ACBD6: variants seen among roughly 807,000 people sequenced by gnomAD.
ACBD6 encodes acyl-CoA-binding domain-containing protein 6.
Under a neutral mutation model 37.2 loss-of-function variants are expected in ACBD6, and 28 were observed. That is an observed-to-expected ratio of 0.75 (90% CI 0.56 to 1.03). The LOEUF is 1.03. Ranked by LOEUF, ACBD6 falls within the 50% of genes least tolerant of loss-of-function variation. The probability of loss-of-function intolerance (pLI) is 0.00; values close to 1 mark genes in which losing one functional copy is unlikely to be tolerated. For missense variants in ACBD6, 340 were observed against 337.4 expected, an observed-to-expected ratio of 1.01 and a Z score of -0.06; for synonymous variants, 113 against 126.8, an observed-to-expected ratio of 0.89 and a Z score of 0.73.
At chr1:180,370,050 A>G (rs1306625584) in intron 6 of ACBD6, among the ~76,000 whole-genome samples, 1 of 152,192 alleles carries the variant, frequency 6.6e-6, no homozygotes, top group African/African-American at 2.4e-5. Context: ...AGCTTATATC[A>G]AACACATTAA....
intron 6 of ACBD6, among the ~76,000 whole-genome samples, chr1:180,358,203 C>T (rs556991517): frequency 2.6e-5 from 4 of 152,158 alleles, no homozygotes; most frequent in Admixed American, 6.5e-5. Flanking sequence ...CCGAGGTGGG[C>T]GGATCATGAG....
rs141005423 is a variant in ACBD6, at chr1:180,369,083, G to A, written c.663+28433C>T. 7.6e-4 allele frequency among the ~76,000 whole-genome samples: 115 copies of A among 152,316 alleles called. No homozygotes were observed. The East Asian group carries it at 0.02, about 27-fold the overall frequency. The stretch of plus-strand genomic sequence containing the variant: ...GTTCAAGGAAGAATGTTCAAAGGAA[G>A]AAAACCTTTAGGCATCTCTGTAGGA... On this transcript the variant is annotated intron_variant, in intron 6 of 7. Transcript: ENST00000367595.
intron 3 of ACBD6, among the ~76,000 whole-genome samples, chr1:180,489,882 C>A (rs1651423931): frequency 6.6e-6 from 1 of 152,152 alleles, no homozygotes; most frequent in Non-Finnish European, 1.5e-5. Context: ...TGGACTCGAA[C>A]TCCTGACCTC....
At chr1:180,384,256 T>C (rs1474660880) in intron 6 of ACBD6, among the ~76,000 whole-genome samples, 1 of 152,040 alleles carries the variant, frequency 6.6e-6, no homozygotes, top group Non-Finnish European at 1.5e-5. Context: ...GCAAATTATC[T>C]GACAAGGGAC....
chr1:180,354,644 G>A (rs899733376), intron 6 of ACBD6, among the ~76,000 whole-genome samples: 1 of 152,142 alleles, frequency 6.6e-6, no homozygotes, highest in Non-Finnish European at 1.5e-5. Flanking sequence ...TGCATTCAAA[G>A]ATAAAACTAT....
At chr1:180,404,776 T>A (rs1374852544) in intron 5 of ACBD6, among the ~76,000 whole-genome samples, 1 of 152,184 alleles carries the variant, frequency 6.6e-6, no homozygotes, top group African/African-American at 2.4e-5. Context: ...GCATATTTAA[T>A]GACAGAGAAC....
intron 4 of ACBD6, among the ~76,000 whole-genome samples, chr1:180,429,393 C>T (rs1208626388): frequency 2.0e-5 from 3 of 152,148 alleles, no homozygotes; most frequent in African/African-American, 4.8e-5. Context: ...TTTCACTTAG[C>T]GTAATATCCT....
At chr1:180,355,855 T>A (rs60764610) in intron 6 of ACBD6, among the ~76,000 whole-genome samples, 1,663 of 148,768 alleles carry the variant, frequency 0.011, 36 homozygotes, top group African/African-American at 0.037. Context: ...TTGAACAGAA[T>A]CTGTCATATT....
chr1:180,496,282 C>G (rs760548206), intron 1 of ACBD6, among the ~76,000 whole-genome samples: 1 of 152,160 alleles, frequency 6.6e-6, no homozygotes, highest in Non-Finnish European at 1.5e-5. Context: ...ATCTTCCTTC[C>G]TTATGAACTC....
At chr1:180,441,477 C>T (rs528567195) in intron 3 of ACBD6, among the ~76,000 whole-genome samples, 12 of 152,310 alleles carry the variant, frequency 7.9e-5, no homozygotes, top group African/African-American at 2.9e-4. Flanking sequence ...ACAGCGCTGC[C>T]ATCTAAATAA....
At chr1:180,424,000 T>G (rs912852081) in intron 4 of ACBD6, among the ~76,000 whole-genome samples, 1 of 152,148 alleles carries the variant, frequency 6.6e-6, no homozygotes, top group African/African-American at 2.4e-5. Context: ...GGAAAGTACA[T>G]TTTTTTAAAA....
intron 7 of ACBD6, among the ~76,000 whole-genome samples, chr1:180,291,316 A>T (rs998799304): frequency 6.6e-6 from 1 of 152,232 alleles, no homozygotes; most frequent in Non-Finnish European, 1.5e-5. Flanking sequence ...AAACTTTTCT[A>T]AAGTTTTCAC....
intron 3 of ACBD6, among the ~76,000 whole-genome samples, chr1:180,467,782 T>C (rs1173065507): frequency 6.6e-6 from 1 of 152,050 alleles, no homozygotes. Flanking sequence ...AGTATTTCAC[T>C]GTATGATATA....
chr1:180,343,373 T>C (rs1409253287), intron 6 of ACBD6, among the ~76,000 whole-genome samples: 1 of 152,146 alleles, frequency 6.6e-6, no homozygotes, highest in Admixed American at 6.5e-5. Context: ...AGACTCAGAT[T>C]CTCAAACAAG....
intron 6 of ACBD6, among the ~76,000 whole-genome samples, chr1:180,336,220 C>T (rs1018595546): frequency 8.9e-4 from 133 of 149,076 alleles, no homozygotes; most frequent in Non-Finnish European, 1.6e-3. Flanking sequence ...TTCCTCTCAG[C>T]ATCCCACTGC....
chr1:180,500,422 G>T (rs1443217442), intron 1 of ACBD6, among the ~76,000 whole-genome samples: 1 of 152,104 alleles, frequency 6.6e-6, no homozygotes, highest in Admixed American at 6.6e-5. Flanking sequence ...GCGGGGCGTG[G>T]TGGCTCACAC....
At chr1:180,343,603 A>C (rs1408718146) in intron 6 of ACBD6, among the ~76,000 whole-genome samples, 3 of 152,110 alleles carry the variant, frequency 2.0e-5, no homozygotes, top group Non-Finnish European at 2.9e-5. Flanking sequence ...CTTACTTAAA[A>C]CTGTCTCCCA....
At chr1:180,445,714 CAGG>C (rs1313219540) in intron 3 of ACBD6, among the ~76,000 whole-genome samples, 1 of 151,568 alleles carries the variant, frequency 6.6e-6, no homozygotes, top group Non-Finnish European at 1.5e-5. Flanking sequence ...CACTTGAGCT[CAGG>C]AGTTCAAAAC....
At chr1:180,284,427 G>T (rs1440800220), downstream of ACBD6, among the ~76,000 whole-genome samples, 1 of 151,402 alleles carries the variant, frequency 6.6e-6, no homozygotes, top group Non-Finnish European at 1.5e-5. Flanking sequence ...GCAGTGGCGC[G>T]ATCTTGGCTC....
Sources: gnomAD v4.1 joint callset for allele counts (sites outside exome capture counted in the v4.1 genomes callset) on GRCh38, gnomAD v4.1.1 for gene constraint, MANE v1.5 for transcripts, NCBI Gene and HGNC (gene_info 2026-07-23, HGNC 2026-07-21) for gene names.